Variants in KRT86 observed in about 807,000 individuals in gnomAD.
The protein encoded by KRT86 is keratin, type II cuticular Hb6.
In KRT86, 30 loss-of-function variants were observed where a neutral mutation model predicts 41.2. The observed-to-expected ratio is 0.73, with a 90% CI of 0.54 to 0.99. The LOEUF (loss-of-function observed/expected upper bound fraction) is 0.99. Ranked by LOEUF, KRT86 falls within the 50% of genes least tolerant of loss-of-function variation. The probability of loss-of-function intolerance (pLI) is 0.00; values close to 1 mark genes in which losing one functional copy is unlikely to be tolerated. For missense variants in KRT86, 561 were observed against 571.4 expected (o/e 0.98, Z 0.19); for synonymous variants, 238 against 238.1 (o/e 1.00, Z 0.00).
chr12:52,293,286 G>A (rs7953684), intron 2 of KRT86, among the ~76,000 whole-genome samples: 112,011 of 152,110 alleles, frequency 0.74, 42,391 homozygotes, highest in African/African-American at 0.92. Context: ...TGAAGTATGT[G>A]CCATTATCCC....
At chr12:52,305,436 A>T (rs369596971) in intron 7 of KRT86, 32 bp downstream of exon 7, 4 of 1,614,050 alleles carry the variant, frequency 2.5e-6, no homozygotes, top group South Asian at 2.2e-5. Flanking sequence ...CCTGCTAGAC[A>T]TGGCAGTGGG....
rs1938523882 is a variant in KRT86 at position 52,306,541 on chromosome 12, A to C, written c.1247+261A>C. 6.6e-6 allele frequency: 4 copies of C among 607,080 alleles called. No individual in the cohort carries two copies. The South Asian group carries it at 8.2e-5, about 12-fold the overall frequency. 37.6% of individuals were successfully genotyped at this position (607,080 alleles called of 1,614,324 possible). On this transcript the variant is annotated intron_variant, in intron 9 of 10. Transcript: ENST00000423955. ...GCAGCAGGTATTCCTGTTACTGAGAAGCCTAATTAAGGCTTGGGGTCAGCT... is the reference window on the plus strand; with the variant it reads ...GCAGCAGGTATTCCTGTTACTGAGACGCCTAATTAAGGCTTGGGGTCAGCT...
rs200472524 is a variant in KRT86, at chr12:52,305,332, C to G, written c.828C>G (p.Ala276=). Residue 276 remains alanine, a synonymous_variant, in exon 7 of 11, where the codon GCC becomes GCG. Transcript: ENST00000423955. ...ACCTGAACATGGACTGCATCATTGC[C>G]GAGATCAAGGCACAGTACGATGACA... ...SRDLNMDCII[A]EIKAQYDDIV... The G allele has an allele frequency of 1.9e-6, 3 of 1,614,198 alleles. No homozygotes were observed. The highest frequency in any genetic ancestry group is 2.2e-5 in the South Asian group (2 of 91,086).
In KRT86 at chr12:52,308,480, A is replaced by C. The variant is rs1243218666; in HGVS notation, c.1356A>C (p.Arg452Ser). The C allele has an allele frequency of 4.3e-6, 7 of 1,610,344 alleles. No individual in the cohort carries two copies. The highest frequency in any genetic ancestry group is 5.9e-6 in the Non-Finnish European group (7 of 1,179,902). The part of the protein sequence containing the change: ...ASTTAPVVST[R>S]VSSVPSNSNV... ...CTACTGCCCCTGTTGTCTCCACCAG[A>C]GTCAGTAGCGTCCCCAGCAACAGCA... is the stretch of plus-strand genomic sequence containing the variant. The change falls in exon 11 of 11, where the codon AGA (arginine) becomes AGC (serine). Residue 452 changes from arginine (R) to serine (S), a missense_variant. Arg to Ser is a moderately radical substitution (Grantham distance 110). This residue lies in a region of KRT86 where 397 missense variants were observed against 375.9 expected (regional missense o/e 1.06). Transcript: ENST00000423955.
chr12:52,306,211 T>A lies in KRT86; in HGVS notation c.1178T>A (p.Met393Lys), dbSNP rs767661038. The A allele has an allele frequency of 1.9e-6, 3 of 1,613,612 alleles. No individual in the cohort carries two copies. Among genetic ancestry groups the A allele is most frequent in the South Asian group, 1.1e-5 (1 of 91,068 alleles). ...CTGATCAGGGAGTACCAGGAGGTGA[T>A]GAACTCCAAGCTGGGCCTGGACATC... ...ACLIREYQEVMNSKLGLDIEI... is the reference protein window; with the variant it reads ...ACLIREYQEVKNSKLGLDIEI... The change falls in exon 9 of 11, where the codon ATG becomes AAG. Residue 393 changes from methionine (M) to lysine (K), a missense_variant. This residue lies in a region of KRT86 where 397 missense variants were observed against 375.9 expected (regional missense o/e 1.06). Transcript: ENST00000423955.
intron 2 of KRT86, chr12:52,287,519 C>T: frequency 3.7e-6 from 6 of 1,612,998 alleles, no homozygotes; most frequent in Non-Finnish European, 5.1e-6. Context: ...TGCTGAGATC[C>T]AGGTAGGGCA....
At chr12:52,299,159 T>A (rs1938315640) in intron 2 of KRT86, among the ~76,000 whole-genome samples, 1 of 152,230 alleles carries the variant, frequency 6.6e-6, no homozygotes, top group African/African-American at 2.4e-5. Flanking sequence ...TCTGATGAGA[T>A]CAATTTTTTT....
chr12:52,305,142 G>A (rs1258298259), intron 6 of KRT86, 98 bp from the exon 7 acceptor site: 76 of 1,606,968 alleles, frequency 4.7e-5, no homozygotes, highest in Non-Finnish European at 6.0e-5. Flanking sequence ...GTGTGAGGGG[G>A]CAGGGTTGGG....
chr12:52,304,781 C>A (rs1353915088), intron 5 of KRT86, 151 bp from the exon 6 acceptor site: 1 of 922,704 alleles, frequency 1.1e-6, no homozygotes, highest in Non-Finnish European at 1.8e-6. Context: ...TGCCAGGTCA[C>A]CCCGGGAAGG....
intron 2 of KRT86, among the ~76,000 whole-genome samples, chr12:52,289,033 GTCAT>G (rs1156793605): frequency 1.7e-5 from 2 of 121,040 alleles, no homozygotes; most frequent in East Asian, 4.8e-4. Context: ...ATATTCCCAA[GTCAT>G]TGCCCTTTGT....
chr12:52,286,608 G>T, intron 2 of KRT86: 1 of 1,280,452 alleles, frequency 7.8e-7, no homozygotes, highest in Admixed American at 2.0e-5. Context: ...GCATCTTTGT[G>T]GACAATTCTA....
In KRT86 at chr12:52,288,556, C is replaced by G. The variant is rs1938040878; in HGVS notation, c.-5+12610C>G. 3 of 1,373,412 alleles carry G rather than the reference C, an allele frequency of 2.2e-6. No homozygotes were observed. In the African/African-American group the frequency reaches 4.3e-5, roughly 20 times the overall value. 85.1% of individuals were successfully genotyped at this position (1,373,412 alleles called of 1,614,324 possible). ...TTCCATGTAGCCAGGGGAAAGCAGT[C>G]CCTGGTGTCCCATTCCCATGCCTTT... On this transcript the variant is annotated intron_variant, in intron 2 of 10. Coordinates refer to ENST00000423955, the MANE Select transcript of KRT86 (RefSeq NM_001320198.2).
chr12:52,296,673 A>G (rs565034501), intron 2 of KRT86, among the ~76,000 whole-genome samples: 224 of 152,298 alleles, frequency 1.5e-3, no homozygotes, highest in Non-Finnish European at 1.6e-3. Flanking sequence ...GCTCTCCCCA[A>G]TCACCCACCC....
intron 9 of KRT86, chr12:52,306,595 C>T: frequency 7.9e-6 from 4 of 509,398 alleles, no homozygotes; most frequent in Non-Finnish European, 1.4e-5. Context: ...TCCCTTCCAG[C>T]TGTAGCTGCA....
At position 52,275,961 on chromosome 12, in the gene KRT86, T is replaced by C; in HGVS notation, c.-5+15T>C. 1 of 985,476 alleles carries C rather than the reference T, an allele frequency of 1.0e-6. No homozygotes were observed. The highest frequency in any genetic ancestry group is 1.2e-6 in the Non-Finnish European group (1 of 829,866). The allele number at this position is 985,476 out of a possible 1,614,324, so 61.0% of individuals were successfully genotyped here. A position where few individuals can be genotyped will look rare whatever the true frequency, so the allele number is the denominator to read the frequency against. ...CTGAGAGTCAGGTGAGAGGTGGGAGTGGGGGGCAACAGAGTGGCCATGGTG... is the reference window on the plus strand; with the variant it reads ...CTGAGAGTCAGGTGAGAGGTGGGAGCGGGGGGCAACAGAGTGGCCATGGTG... On this transcript the variant is annotated intron_variant, in intron 2 of 10. Coordinates refer to ENST00000423955, the MANE Select transcript of KRT86 (RefSeq NM_001320198.2).
intron 2 of KRT86, among the ~76,000 whole-genome samples, chr12:52,299,785 G>A (rs756336178): frequency 8.5e-5 from 13 of 152,194 alleles, no homozygotes; most frequent in South Asian, 2.1e-4. Flanking sequence ...TTTAAAATCA[G>A]ATTATTTGGT....
At position 52,301,944 on chromosome 12, in the gene KRT86, C is replaced by T; in HGVS notation, c.28C>T (p.Arg10Cys). ...GACTTGTGGATCTTACTGTGGTGGCCGCGCCTTCAGCTGCATCTCGGCCTG... is the reference window on the plus strand; with the variant it reads ...GACTTGTGGATCTTACTGTGGTGGCTGCGCCTTCAGCTGCATCTCGGCCTG... MTCGSYCGG[R>C]AFSCISACGP... Residue 10 changes from arginine (R) to cysteine (C), a missense_variant, in exon 3 of 11, where the codon CGC becomes TGC. Physicochemically the swap from Arg to Cys is radical, Grantham distance 180. Around this residue, in one of 3 missense-constraint regions of KRT86, gnomAD observed 164 missense variants for 172.5 expected, o/e 0.95. Coordinates refer to ENST00000423955, the MANE Select transcript of KRT86 (RefSeq NM_001320198.2). The T allele has an allele frequency of 1.2e-6, 2 of 1,613,828 alleles. No homozygotes were observed. The highest frequency in any genetic ancestry group is 2.2e-5 in the East Asian group (1 of 44,866).
At chr12:52,288,164 G>A (rs936511328) in intron 2 of KRT86, 5 of 1,613,854 alleles carry the variant, frequency 3.1e-6, no homozygotes, top group Non-Finnish European at 3.4e-6. Context: ...GGAGGTGAGG[G>A]CAGTGACTTT....
At chr12:52,305,956 T>A in intron 8 of KRT86, 104 bp from the exon 9 acceptor site, 1 of 1,569,138 alleles carries the variant, frequency 6.4e-7, no homozygotes, top group South Asian at 1.1e-5. Context: ...CAAGAGGCTC[T>A]GTTCTGGGGT....
Sources: allele counts gnomAD v4.1 joint callset (sites outside exome capture counted in the v4.1 genomes callset), GRCh38; gene constraint gnomAD v4.1.1; regional missense constraint gnomAD v4.1.1; transcripts MANE v1.5; gene names NCBI Gene and HGNC (gene_info 2026-07-23, HGNC 2026-07-21).